The following HIVEP3 variants were observed in gnomAD, a reference collection of about 807,000 sequenced individuals.
The protein encoded by HIVEP3 is HIVEP zinc finger 3.
In HIVEP3, 49 loss-of-function variants were observed where a neutral mutation model predicts 152.8. The observed-to-expected ratio is 0.32, with a 90% confidence interval of 0.26 to 0.41. The LOEUF (loss-of-function observed/expected upper bound fraction) is 0.41. HIVEP3 is among the 10% of genes least tolerant of loss of function. HIVEP3 has a pLI of 1.00. For missense variants in HIVEP3, 2,790 were observed against 3,103.3 expected (o/e 0.90, Z 2.40); for synonymous variants, 1,269 against 1,289.0 (o/e 0.98, Z 0.33).
intron 3 of HIVEP3, among the ~76,000 whole-genome samples, chr1:41,609,611 C>T (rs1302751590): frequency 1.3e-5 from 2 of 152,384 alleles, no homozygotes; most frequent in Non-Finnish European, 2.9e-5. Flanking sequence ...TAATGACACC[C>T]CTTTTTAAGA....
At position 41,776,338 on chromosome 1, in the gene HIVEP3, C is replaced by T. The variant is rs115580593; in HGVS notation, c.-800-75343G>A. On this transcript the variant is annotated intron_variant, in intron 1 of 8. Transcript: ENST00000372583. Reference sequence around the variant, plus strand: ...TTTGAATTCAGAGGCAGAGACGTTCCCTGAGCATGCCCTCTGTGCCAGGCA... The same window carrying T: ...TTTGAATTCAGAGGCAGAGACGTTCTCTGAGCATGCCCTCTGTGCCAGGCA... 6.9e-3 allele frequency among the ~76,000 whole-genome samples: 1,057 copies of T among 152,362 alleles called. 4 individuals are homozygous for T. The highest frequency in any genetic ancestry group is 0.024 in the African/African-American group (1,007 of 41,576).
At position 41,633,830 on chromosome 1, in the gene HIVEP3, C is replaced by T. The variant is rs1473916373; in HGVS notation, c.-720-4883G>A. On this transcript the variant is annotated intron_variant, in intron 2 of 8. Coordinates refer to ENST00000372583, the MANE Select transcript of HIVEP3 (RefSeq NM_024503.5). ...CCTTGCCTCCTTCCTCCCAGACAGG[C>T]CAAAGCCCTCTGGAATCAGCACCCT... Among the ~76,000 whole-genome samples the T allele has an allele frequency of 2.6e-5, 4 of 152,282 alleles. No individual in the cohort carries two copies. The East Asian group carries it at 5.8e-4, about 22-fold the overall frequency.
intron 6 of HIVEP3, among the ~76,000 whole-genome samples, chr1:41,523,183 G>A (rs913761662): frequency 6.6e-6 from 1 of 152,254 alleles, no homozygotes; most frequent in African/African-American, 2.4e-5. Context: ...ACTGGCTGCA[G>A]AAGGCCAGAG....
chr1:41,705,045 G>A (rs1269270131), intron 1 of HIVEP3, among the ~76,000 whole-genome samples: 6 of 152,214 alleles, frequency 3.9e-5, no homozygotes, highest in Admixed American at 6.5e-5. Flanking sequence ...ATGTGCCCAG[G>A]CACTGTGCGA....
At chr1:41,945,413 G>A (rs1277621723) in intron 1 of HIVEP3, among the ~76,000 whole-genome samples, 1 of 152,202 alleles carries the variant, frequency 6.6e-6, no homozygotes, top group Admixed American at 6.5e-5. Flanking sequence ...AGATAACCCT[G>A]ATGGCTATAT....
chr1:41,556,124 G>A (rs941978344), intron 5 of HIVEP3, among the ~76,000 whole-genome samples: 4 of 152,100 alleles, frequency 2.6e-5, no homozygotes, highest in Admixed American at 2.0e-4. Context: ...TCCTGATTTC[G>A]GTATTGGTGG....
At chr1:41,770,130 G>A (rs1223563970) in intron 1 of HIVEP3, among the ~76,000 whole-genome samples, 1 of 151,972 alleles carries the variant, frequency 6.6e-6, no homozygotes, top group East Asian at 1.9e-4. Flanking sequence ...CACCACGCCC[G>A]GCTAATTTTT....
At chr1:41,863,353 T>C (rs1643912971) in intron 1 of HIVEP3, among the ~76,000 whole-genome samples, 1 of 152,220 alleles carries the variant, frequency 6.6e-6, no homozygotes, top group African/African-American at 2.4e-5. Context: ...ACCTGATCTG[T>C]AGAGCCTGGA....
At chr1:41,609,547 G>A (rs1644868750) in intron 3 of HIVEP3, among the ~76,000 whole-genome samples, 1 of 152,244 alleles carries the variant, frequency 6.6e-6, no homozygotes. Context: ...AGTGTACCAG[G>A]AGAAAGGGTT....
chr1:41,804,046 A>G (rs540219005), intron 1 of HIVEP3, among the ~76,000 whole-genome samples: 1 of 151,980 alleles, frequency 6.6e-6, no homozygotes. Context: ...CTTGCATATT[A>G]TTTCTTTATT....
At chr1:41,934,646 A>G (rs751659644) in intron 1 of HIVEP3, among the ~76,000 whole-genome samples, 9 of 152,142 alleles carry the variant, frequency 5.9e-5, no homozygotes, top group Non-Finnish European at 5.9e-5. Context: ...AAACTTGCTT[A>G]AAGAGCTTTA....
chr1:41,791,992 C>T (rs547594258), intron 1 of HIVEP3, among the ~76,000 whole-genome samples: 38 of 152,256 alleles, frequency 2.5e-4, no homozygotes, highest in Non-Finnish European at 4.0e-4. Context: ...ACACCTCCTC[C>T]GTGAAGCCTT....
intron 5 of HIVEP3, among the ~76,000 whole-genome samples, chr1:41,547,015 T>C (rs1474377243): frequency 6.6e-6 from 1 of 152,132 alleles, no homozygotes; most frequent in African/African-American, 2.4e-5. Flanking sequence ...TGGGAGGTGC[T>C]GAAGTGTCCT....
In HIVEP3 at chr1:41,764,427, G is replaced by A. The variant is rs535629177; in HGVS notation, c.-800-63432C>T. Among the ~76,000 whole-genome samples the A allele has an allele frequency of 5.3e-5, 8 of 152,312 alleles. No homozygotes were observed. In the East Asian group the frequency reaches 1.5e-3, roughly 29 times the overall value. On this transcript the variant is annotated intron_variant, in intron 1 of 8. Transcript: ENST00000372583. ...CTGATGGGACAAGGTGCGGGTGGGG[G>A]GCATGAGGACAGGAGAAGCGAAAGA... is the stretch of plus-strand genomic sequence containing the variant.
rs374604042 is a variant in HIVEP3 at position 41,582,733 on chromosome 1, G to C, written c.2065C>G (p.Gln689Glu). 1.2e-6 allele frequency: 2 copies of C among 1,614,060 alleles called. No homozygotes were observed. The highest frequency in any genetic ancestry group is 2.7e-5 in the African/African-American group (2 of 74,924). Residue 689 changes from glutamine (Q) to glutamate (E), a missense_variant, in exon 4 of 9, where the codon CAG (glutamine) becomes GAG (glutamate). Physicochemically the swap from Gln to Glu is conservative, Grantham distance 29 (BLOSUM62 2). Coordinates refer to ENST00000372583, the MANE Select transcript of HIVEP3 (RefSeq NM_024503.5). This position sits in a 1 kb window ranked among gnomAD's most constrained non-coding sequence, Gnocchi z 4.7. ...TGGGACCACGGCTCATGCTCAATCT[G>C]ACTCTTTTCAGCTTCTGGAGATGTG... ...THTSPEAEKS[Q>E]IEHEPWSQMM...
chr1:42,035,185 C>A (rs76486661), intron 1 of HIVEP3, among the ~76,000 whole-genome samples: 161 of 152,332 alleles, frequency 1.1e-3, no homozygotes, highest in African/African-American at 3.6e-3. Flanking sequence ...AGGGGGCAAG[C>A]GCGAGAGACT....
upstream of HIVEP3, among the ~76,000 whole-genome samples, chr1:41,923,703 T>A (rs1443377410): frequency 6.6e-6 from 1 of 152,254 alleles, no homozygotes. Context: ...CTAATTAGCC[T>A]GATTTGGTCA....
chr1:41,902,138 A>G (rs1194920111), intron 1 of HIVEP3, among the ~76,000 whole-genome samples: 1 of 152,136 alleles, frequency 6.6e-6, no homozygotes, highest in Non-Finnish European at 1.5e-5. Flanking sequence ...TGGGACCCCC[A>G]GTTTAAGTGG....
At chr1:41,661,224 G>A (rs1019585266) in intron 2 of HIVEP3, among the ~76,000 whole-genome samples, 1 of 152,204 alleles carries the variant, frequency 6.6e-6, no homozygotes, top group Non-Finnish European at 1.5e-5. Context: ...GGCTCTATCA[G>A]TTTCCCCTAT....
Sources: gnomAD v4.1 joint callset for allele counts (sites outside exome capture counted in the v4.1 genomes callset) on GRCh38, gnomAD v4.1.1 for gene constraint, Gnocchi (gnomAD v3.1) non-coding constraint, MANE v1.5 for transcripts, NCBI Gene and HGNC (gene_info 2026-07-23, HGNC 2026-07-21) for gene names.